Variants in MZT1 observed in about 807,000 individuals in gnomAD.
MZT1 encodes mitotic spindle organizing protein 1.
In MZT1, 8 loss-of-function variants were observed where a neutral mutation model predicts 8.5. The ratio of observed to expected loss-of-function variants is 0.94; its 90% CI spans 0.55 to 1.70. MZT1 has a LOEUF of 1.70. Ranked by LOEUF, MZT1 falls within the 40% of genes most tolerant of loss-of-function variation. The pLI is 0.00. For missense variants in MZT1, 93 were observed against 108.6 expected (o/e 0.86, Z 0.64); for synonymous variants, 38 against 42.0 (o/e 0.90, Z 0.37).
Position 72,709,414 on chromosome 13 carries a change from TA to T in MZT1, c.*907del, listed in dbSNP as rs1285606708. The T allele has an allele frequency of 1.3e-5, 2 of 152,040 alleles. No individual in the cohort carries two copies. The highest frequency in any genetic ancestry group is 2.9e-5 in the Non-Finnish European group (2 of 67,912). 9.4% of individuals were successfully genotyped at this position (152,040 alleles called of 1,614,324 possible). A position where few individuals can be genotyped will look rare whatever the true frequency, so the allele number is the denominator to read the frequency against. Reference sequence around the variant, plus strand: ...GAAACACATCACCCATCTAATAATTTATTAAATAACCATTCAAGATTTATTA... The same window carrying T: ...GAAACACATCACCCATCTAATAATTTTTAAATAACCATTCAAGATTTATTA... On this transcript the variant is annotated 3_prime_UTR_variant, in exon 3 of 3. Coordinates refer to ENST00000377818, the MANE Select transcript of MZT1 (RefSeq NM_001071775.3).
rs1257381798 is a variant in MZT1 at position 72,726,521 on chromosome 13, A to C, written c.79+1003T>G. Among the ~76,000 whole-genome samples the C allele has an allele frequency of 2.0e-5, 3 of 152,264 alleles. No individual in the cohort carries two copies. The East Asian group carries it at 5.8e-4, about 29-fold the overall frequency. ...TATCTTTTAACAGAGACGGAAGCTG[A>C]CGTGAGTAGACCCTGGAAAACGTCT... On this transcript the variant is annotated intron_variant, in intron 1 of 2. Coordinates refer to ENST00000377818, the MANE Select transcript of MZT1 (RefSeq NM_001071775.3).
Position 72,709,568 on chromosome 13 carries a change from T to G in MZT1, c.*754A>C, listed in dbSNP as rs1421301827. ...AAAACTTTAAGAAAACATTCTCAAC[T>G]AACATTCTCATTAGATGTAAATGAT... is the stretch of plus-strand genomic sequence containing the variant. On this transcript the variant is annotated 3_prime_UTR_variant, in exon 3 of 3. Coordinates refer to ENST00000377818, the MANE Select transcript of MZT1 (RefSeq NM_001071775.3). The G allele has an allele frequency of 6.6e-6, 1 of 152,074 alleles. No homozygotes were observed. The highest frequency in any genetic ancestry group is 1.5e-5 in the Non-Finnish European group (1 of 67,912). 9.4% of individuals were successfully genotyped at this position (152,074 alleles called of 1,614,324 possible).
intron 2 of MZT1, among the ~76,000 whole-genome samples, 181 bp downstream of exon 2, chr13:72,718,771 G>A (rs771006819): frequency 1.2e-4 from 19 of 152,022 alleles, no homozygotes; most frequent in Non-Finnish European, 2.4e-4. Context: ...GAGCCACTGC[G>A]CCCGGCCTAG....
intron 1 of MZT1, among the ~76,000 whole-genome samples, chr13:72,722,652 T>C (rs573642126): frequency 2.6e-5 from 4 of 152,256 alleles, no homozygotes; most frequent in Admixed American, 6.5e-5. Context: ...ATGGTGCTTC[T>C]CAATCTCTGG....
intron 1 of MZT1, among the ~76,000 whole-genome samples, chr13:72,724,719 CAT>C (rs1217685191): frequency 0.039 from 1,087 of 27,824 alleles, 137 homozygotes; most frequent in Middle Eastern, 0.091. Context: ...TATATATATA[CAT>C]ATATATATAT....
At chr13:72,720,121 G>A (rs1285151004) in intron 1 of MZT1, among the ~76,000 whole-genome samples, 1 of 152,106 alleles carries the variant, frequency 6.6e-6, no homozygotes, top group Non-Finnish European at 1.5e-5. Context: ...AGTTTGGGTG[G>A]AAAATAGGAT....
intron 1 of MZT1, among the ~76,000 whole-genome samples, chr13:72,725,487 AG>A (rs1255210343): frequency 4.6e-5 from 7 of 151,228 alleles, no homozygotes; most frequent in Non-Finnish European, 1.0e-4. Context: ...CATGACTTAA[AG>A]GGAGGTTCAC....
intron 1 of MZT1, among the ~76,000 whole-genome samples, chr13:72,726,744 G>GAAAAAAA (rs35019188): frequency 1.5e-5 from 2 of 132,130 alleles, no homozygotes; most frequent in Non-Finnish European, 1.6e-5. Flanking sequence ...TTATTTTACA[G>GAAAAAAA]AAAAAAAAAA....
At chr13:72,718,039 C>A (rs554404988) in intron 2 of MZT1, among the ~76,000 whole-genome samples, 43 of 152,302 alleles carry the variant, frequency 2.8e-4, no homozygotes, top group Non-Finnish European at 4.9e-4. Context: ...AATAAAGTAA[C>A]CACATATTAG....
intron 2 of MZT1, among the ~76,000 whole-genome samples, chr13:72,715,910 G>A (rs1465281882): frequency 1.3e-5 from 2 of 151,680 alleles, no homozygotes; most frequent in Admixed American, 6.6e-5. Flanking sequence ...TCTGGTCTCC[G>A]GTTTTTTTGT....
At chr13:72,727,215 C>T (rs1170815528) in intron 1 of MZT1, among the ~76,000 whole-genome samples, 1 of 152,132 alleles carries the variant, frequency 6.6e-6, no homozygotes, top group African/African-American at 2.4e-5. Context: ...CGCAGGAGAT[C>T]GGGCGGGTAG....
chr13:72,724,592 G>A (rs1175262538), intron 1 of MZT1, among the ~76,000 whole-genome samples: 1 of 134,754 alleles, frequency 7.4e-6, no homozygotes, highest in African/African-American at 2.8e-5. Context: ...AGTCTGCAGT[G>A]CAGTGGCGCA....
In MZT1 at chr13:72,724,752, A is replaced by ATATATATATATATATATATATGTG. The variant is rs1180726488; in HGVS notation, c.79+2771_79+2772insCACATATATATATATATATATATA. On this transcript the variant is annotated intron_variant, in intron 1 of 2. Transcript: ENST00000377818. ...TATATATATATATACACATATATAT[A>ATATATATATATATATATATATGTG]TGTAAAGTGGTGCTACAGGCCGGGC... Among the ~76,000 whole-genome samples, 2 of 56,856 alleles carry ATATATATATATATATATATATGTG rather than the reference A, an allele frequency of 3.5e-5. 1 individual carries two copies. Among genetic ancestry groups the ATATATATATATATATATATATGTG allele is most frequent in the Non-Finnish European group, 7.5e-5 (2 of 26,838 alleles). 37.3% of individuals were successfully genotyped at this position (56,856 alleles called of 152,430 possible). A position where few individuals can be genotyped will look rare whatever the true frequency, so the allele number is the denominator to read the frequency against.
chr13:72,718,747 G>A (rs906633794), intron 2 of MZT1, among the ~76,000 whole-genome samples: 3 of 152,056 alleles, frequency 2.0e-5, no homozygotes, highest in Admixed American at 2.0e-4. Flanking sequence ...CCAAAGTGCT[G>A]GGATTACAGG....
chr13:72,719,068 T>C lies in MZT1; in HGVS notation c.109A>G (p.Thr37Ala). ...GACAGAGTTTCCATATCTAAGCCAG[T>C]ATTCAAAATTCTTGAAATCTCAAGC... is the stretch of plus-strand genomic sequence containing the variant. ...VLLEISRILN[T>A]GLDMETLSIC... Residue 37 changes from threonine to alanine, a missense_variant, in exon 2 of 3, where the codon ACT becomes GCT. Physicochemically the swap from Thr to Ala is moderately conservative, Grantham distance 58. Coordinates refer to ENST00000377818, the MANE Select transcript of MZT1 (RefSeq NM_001071775.3). 6.5e-7 allele frequency: 1 copy of C among 1,532,574 alleles called. No individual in the cohort carries two copies. The highest frequency in any genetic ancestry group is 8.7e-7 in the Non-Finnish European group (1 of 1,151,032). The allele number at this position is 1,532,574 out of a possible 1,614,324, so 94.9% of individuals were successfully genotyped here.
chr13:72,718,603 A>G (rs2032561073), intron 2 of MZT1, among the ~76,000 whole-genome samples: 1 of 151,776 alleles, frequency 6.6e-6, no homozygotes, highest in Non-Finnish European at 1.5e-5. Context: ...TCAGCCTCCC[A>G]AGTAGCTGGG....
chr13:72,720,245 T>G (rs2032579193), intron 1 of MZT1, among the ~76,000 whole-genome samples: 1 of 152,208 alleles, frequency 6.6e-6, no homozygotes, highest in African/African-American at 2.4e-5. Flanking sequence ...TCCCATATAC[T>G]TACAAATTTG....
intron 2 of MZT1, among the ~76,000 whole-genome samples, chr13:72,714,472 T>C (rs1812314): frequency 0.88 from 134,035 of 152,156 alleles, 61,116 homozygotes; most frequent in Non-Finnish European, 0.99. Flanking sequence ...GAGAAATTTC[T>C]GAATCTAAAT....
chr13:72,727,603 G>T lies in MZT1; in HGVS notation c.-1C>A. On this transcript the variant is annotated 5_prime_UTR_variant, in exon 1 of 3. Coordinates refer to ENST00000377818, the MANE Select transcript of MZT1 (RefSeq NM_001071775.3). ...CCCCAGCACCGCTGCTACTCGCCAT[G>T]GCTAAGGCCGAGGGAGGCGGGAGAA... 6.3e-7 allele frequency: 1 copy of T among 1,595,204 alleles called. No individual in the cohort carries two copies. Among genetic ancestry groups the T allele is most frequent in the Non-Finnish European group, 8.5e-7 (1 of 1,170,670 alleles).
Sources: allele counts gnomAD v4.1 joint callset (sites outside exome capture counted in the v4.1 genomes callset), GRCh38; gene constraint gnomAD v4.1.1; transcripts MANE v1.5; gene names NCBI Gene and HGNC (gene_info 2026-07-23, HGNC 2026-07-21).